TOPAZ1: variants seen among roughly 807,000 people sequenced by gnomAD.
TOPAZ1 encodes the protein testis and ovary specific TOPAZ 1.
TOPAZ1 carries 66 observed loss-of-function variants against 172.2 expected under a neutral mutation model. The ratio of observed to expected loss-of-function variants is 0.38; its 90% CI spans 0.31 to 0.47. The LOEUF (loss-of-function observed/expected upper bound fraction) is 0.47, where lower values mean the gene tolerates loss of function less well. TOPAZ1 is among the 20% of genes least tolerant of loss of function. The probability of loss-of-function intolerance (pLI) is 0.99; values close to 1 mark genes in which losing one functional copy is unlikely to be tolerated. For synonymous variants in TOPAZ1, 681 were observed against 683.9 expected (o/e 1.00, Z 0.07); for missense variants, 1,822 against 1,972.4 (o/e 0.92, Z 1.44).
chr3:44,287,631 A>G, intron 10 of TOPAZ1, 91 bp downstream of exon 10: 1 of 1,072,786 alleles, frequency 9.3e-7, no homozygotes, highest in Non-Finnish European at 1.3e-6. Context: ...GAATTTCTGT[A>G]TTTGTTGAAT....
chr3:44,336,643 TC>T (rs1432677819), downstream of TOPAZ1, among the ~76,000 whole-genome samples: 1 of 152,146 alleles, frequency 6.6e-6, no homozygotes, highest in Admixed American at 6.5e-5. Flanking sequence ...TTCTGCAGGA[TC>T]CCCTTGTCAG....
intron 9 of TOPAZ1, among the ~76,000 whole-genome samples, chr3:44,284,263 A>G (rs991925627): frequency 2.0e-5 from 3 of 152,204 alleles, no homozygotes; most frequent in Admixed American, 6.5e-5. Context: ...GCATTAAACA[A>G]TAACTCCTCA....
chr3:44,315,181 G>A (rs1372167493), intron 16 of TOPAZ1, among the ~76,000 whole-genome samples: 1 of 150,004 alleles, frequency 6.7e-6, no homozygotes, highest in African/African-American at 2.5e-5. Context: ...AGAGGAAATG[G>A]TTGCAGGTTT....
intron 2 of TOPAZ1, among the ~76,000 whole-genome samples, chr3:44,249,422 G>C (rs1699604399): frequency 6.6e-6 from 1 of 152,174 alleles, no homozygotes; most frequent in Admixed American, 6.5e-5. Flanking sequence ...GTTTGGTCGG[G>C]AAGGAGAAAT....
In TOPAZ1 at chr3:44,242,008, C is replaced by CT. The variant is rs1485339008; in HGVS notation, c.-45dup. On this transcript the variant is annotated 5_prime_UTR_variant, in exon 1 of 20. Transcript: ENST00000309765. ...GCAGCGTTTGCACCGCGGTGGGTTC[C>CT]TGCGAGCTGGTGCAGAGGGGCCCCA... 6.6e-7 allele frequency: 1 copy of CT among 1,518,348 alleles called. No homozygotes were observed. The highest frequency in any genetic ancestry group is 8.8e-7 in the Non-Finnish European group (1 of 1,132,930). 94.1% of individuals were successfully genotyped at this position (1,518,348 alleles called of 1,614,324 possible).
intron 18 of TOPAZ1, among the ~76,000 whole-genome samples, 181 bp downstream of exon 18, chr3:44,323,476 A>C: frequency 6.6e-6 from 1 of 152,336 alleles, no homozygotes; most frequent in African/African-American, 2.4e-5. Context: ...TTCTGTTTCC[A>C]GTTGCTTTCC....
At chr3:44,268,673 G>A (rs1374944062) in intron 6 of TOPAZ1, among the ~76,000 whole-genome samples, 2 of 151,934 alleles carry the variant, frequency 1.3e-5, no homozygotes, top group African/African-American at 2.4e-5. Flanking sequence ...GTGAGCCACC[G>A]CACCAGACTG....
rs1337920441 is a variant in TOPAZ1, at chr3:44,243,748, T to C, written c.1242T>C (p.Ala414=). Residue 414 remains alanine (A), a synonymous_variant, in exon 2 of 20, where the codon GCT becomes GCC. Coordinates refer to ENST00000309765, the MANE Select transcript of TOPAZ1 (RefSeq NM_001145030.2). ...KETSSEHHVN[A]VFQKTIEPLL... ...CAAGTTCTGAACATCATGTAAATGCTGTGTTTCAGAAAACCATTGAACCAC... is the reference window on the plus strand; with the variant it reads ...CAAGTTCTGAACATCATGTAAATGCCGTGTTTCAGAAAACCATTGAACCAC... The C allele has an allele frequency of 6.4e-7, 1 of 1,551,732 alleles. No homozygotes were observed. Among genetic ancestry groups the C allele is most frequent in the Non-Finnish European group, 8.7e-7 (1 of 1,146,962 alleles).
intron 8 of TOPAZ1, among the ~76,000 whole-genome samples, chr3:44,280,395 G>A (rs1368016188): frequency 6.7e-6 from 1 of 150,000 alleles, no homozygotes; most frequent in Non-Finnish European, 1.5e-5. Flanking sequence ...TGTTGCCCAG[G>A]CTGGAGTGCA....
Position 44,270,680 on chromosome 3 carries a change from TC to T in TOPAZ1, c.3247-4del, listed in dbSNP as rs1207613369. ...TACAGAAAGTGAATCTTTCTAATTT[TC>T]TAGGTGTTCCAGAAGTCCCTAGGGT... On this transcript the variant is annotated splice_polypyrimidine_tract_variant and splice_region_variant and intron_variant, in intron 7 of 19. Transcript: ENST00000309765. The T allele has an allele frequency of 2.7e-5, 41 of 1,535,858 alleles. No homozygotes were observed. The highest frequency in any genetic ancestry group is 3.5e-5 in the Non-Finnish European group (40 of 1,140,820).
chr3:44,288,303 C>G (rs1307002717), intron 11 of TOPAZ1, among the ~76,000 whole-genome samples: 2 of 151,932 alleles, frequency 1.3e-5, no homozygotes, highest in Non-Finnish European at 2.9e-5. Flanking sequence ...TGGAAGAACT[C>G]AAGCAGAAGA....
At chr3:44,335,138 A>G (rs1575224160), downstream of TOPAZ1, among the ~76,000 whole-genome samples, 1 of 152,180 alleles carries the variant, frequency 6.6e-6, no homozygotes, top group Admixed American at 6.5e-5. Context: ...TACAATCATC[A>G]TAACGAAGAG....
intron 16 of TOPAZ1, among the ~76,000 whole-genome samples, chr3:44,310,505 A>T (rs1267203777): frequency 2.6e-5 from 4 of 152,224 alleles, no homozygotes; most frequent in Admixed American, 2.6e-4. Context: ...TCTCAGAAAA[A>T]AAAAAGCAAA....
At chr3:44,318,656 A>G (rs1296682927) in intron 16 of TOPAZ1, among the ~76,000 whole-genome samples, 1 of 151,760 alleles carries the variant, frequency 6.6e-6, no homozygotes, top group Non-Finnish European at 1.5e-5. Flanking sequence ...AGGGAAATCC[A>G]GCCATTCAGA....
chr3:44,323,916 C>A (rs5007342), intron 18 of TOPAZ1, among the ~76,000 whole-genome samples: 125,925 of 152,136 alleles, frequency 0.83, 52,167 homozygotes, highest in Middle Eastern at 0.9. Context: ...TCTAGAAAAG[C>A]ATTGTTTTTT....
intron 2 of TOPAZ1, among the ~76,000 whole-genome samples, chr3:44,250,559 C>G (rs896791504): frequency 1.3e-5 from 2 of 152,122 alleles, no homozygotes; most frequent in African/African-American, 4.8e-5. Context: ...GATTAACTTT[C>G]TAAAGGACTC....
chr3:44,312,926 A>G (rs1426170335), intron 16 of TOPAZ1, among the ~76,000 whole-genome samples: 1 of 152,210 alleles, frequency 6.6e-6, no homozygotes, highest in Non-Finnish European at 1.5e-5. Context: ...AAAATCCCAT[A>G]TCATTTGGTC....
Position 44,287,482 on chromosome 3 carries a change from A to T in TOPAZ1, c.3530A>T (p.His1177Leu), listed in dbSNP as rs961294806. 43 of 1,531,030 alleles carry T rather than the reference A, an allele frequency of 2.8e-5. No individual in the cohort carries two copies. Among genetic ancestry groups the T allele is most frequent in the Non-Finnish European group, 3.8e-5 (43 of 1,137,896 alleles). The allele number at this position is 1,531,030 out of a possible 1,614,324, so 94.8% of individuals were successfully genotyped here. The change falls in exon 10 of 20, where the codon CAT becomes CTT. Residue 1177 changes from histidine to leucine, a missense_variant. Transcript: ENST00000309765. ...LNDLLNSLLK[H>L]CLLKEVFQIV... Reference sequence around the variant, plus strand: ...GACCTTCTAAATTCTTTACTCAAACATTGTTTGTTGAAAGAAGTATTTCAG... The same window carrying T: ...GACCTTCTAAATTCTTTACTCAAACTTTGTTTGTTGAAAGAAGTATTTCAG...
chr3:44,315,230 T>C (rs942988122), intron 16 of TOPAZ1, among the ~76,000 whole-genome samples: 1 of 151,294 alleles, frequency 6.6e-6, no homozygotes, highest in Non-Finnish European at 1.5e-5. Context: ...TGTGTGTGTT[T>C]ATACTATGAA....
Sources: gnomAD v4.1 joint callset for allele counts (sites outside exome capture counted in the v4.1 genomes callset) on GRCh38, gnomAD v4.1.1 for gene constraint, MANE v1.5 for transcripts, NCBI Gene and HGNC (gene_info 2026-07-23, HGNC 2026-07-21) for gene names.